The following TFDP2 variants were observed in gnomAD, a reference collection of about 807,000 sequenced individuals.
The protein encoded by TFDP2 is transcription factor Dp-2 (E2F dimerization partner 2).
In TFDP2, 17 loss-of-function variants were observed where a neutral mutation model predicts 59.3. The observed-to-expected ratio is 0.29, with a 90% confidence interval of 0.20 to 0.43. TFDP2 has a LOEUF of 0.43. Ranked by LOEUF, TFDP2 falls within the 20% of genes least tolerant of loss-of-function variation. TFDP2 has a pLI of 1.00. For missense variants in TFDP2, 391 were observed against 528.8 expected (o/e 0.74, Z 2.56); for synonymous variants, 180 against 194.7 (o/e 0.92, Z 0.63).
intron 8 of TFDP2, 124 bp downstream of exon 8, chr3:141,973,924 A>T: frequency 8.7e-7 from 1 of 1,147,326 alleles, no homozygotes; most frequent in Admixed American, 3.0e-5. Context: ...ACAGTCTGTT[A>T]AAAAATGACA....
intron 3 of TFDP2, among the ~76,000 whole-genome samples, chr3:142,044,766 T>G (rs1291377855): frequency 2.0e-5 from 3 of 152,220 alleles, no homozygotes; most frequent in African/African-American, 7.2e-5. Context: ...TCTAGGTCCC[T>G]GAAGTCAAAG....
At chr3:141,972,077 T>C (rs1939845477) in intron 8 of TFDP2, among the ~76,000 whole-genome samples, 1 of 152,250 alleles carries the variant, frequency 6.6e-6, no homozygotes, top group Admixed American at 6.5e-5. Context: ...TAGTCTATAC[T>C]AGCAGTTTCC....
At chr3:141,977,405 CAAA>C (rs202181685) in intron 7 of TFDP2, among the ~76,000 whole-genome samples, 9 of 106,676 alleles carry the variant, frequency 8.4e-5, no homozygotes, top group Admixed American at 2.0e-4. Flanking sequence ...GACCTCATAT[CAAA>C]AAAAAAAAAA....
chr3:141,950,557 C>G lies in TFDP2; in HGVS notation c.*1956G>C, dbSNP rs1018137755. 6.5e-6 allele frequency: 1 copy of G among 152,756 alleles called. No individual in the cohort carries two copies. The highest frequency in any genetic ancestry group is 1.5e-5 in the Non-Finnish European group (1 of 68,036). 9.5% of individuals were successfully genotyped at this position (152,756 alleles called of 1,614,324 possible). ...GAAGGAATGGTTATCATTAGTGCAC[C>G]TGTCTTAAATCCTGAAATGCATCTT... On this transcript the variant is annotated 3_prime_UTR_variant, in exon 13 of 13. Coordinates refer to ENST00000489671, the MANE Select transcript of TFDP2 (RefSeq NM_001178139.2).
At chr3:142,033,338 A>G (rs1387217978) in intron 3 of TFDP2, among the ~76,000 whole-genome samples, 1 of 152,262 alleles carries the variant, frequency 6.6e-6, no homozygotes, top group African/African-American at 2.4e-5. Context: ...CCATCACTGA[A>G]GAAAGTTCTA....
chr3:142,064,129 T>G (rs2060001956), intron 3 of TFDP2, among the ~76,000 whole-genome samples: 1 of 152,148 alleles, frequency 6.6e-6, no homozygotes, highest in African/African-American at 2.4e-5. Flanking sequence ...AATTTTTGTG[T>G]TTTTATAGAC....
intron 3 of TFDP2, among the ~76,000 whole-genome samples, chr3:142,073,863 TA>T (rs1487133075): frequency 1.3e-5 from 2 of 152,106 alleles, no homozygotes; most frequent in East Asian, 3.8e-4. Flanking sequence ...TTAAGATCAA[TA>T]AAACCAAAGC....
intron 2 of TFDP2, among the ~76,000 whole-genome samples, chr3:142,093,488 C>T (rs2061064945): frequency 1.3e-5 from 2 of 151,588 alleles, no homozygotes; most frequent in Admixed American, 1.3e-4. Flanking sequence ...AATTGTCCAG[C>T]TTAAGATAAA....
chr3:141,961,237 G>GTTTTTTT (rs1177754086), intron 10 of TFDP2, among the ~76,000 whole-genome samples: 18 of 84,672 alleles, frequency 2.1e-4, no homozygotes, highest in African/African-American at 3.8e-4. Context: ...GTTTTTTGTT[G>GTTTTTTT]TTTTTTTTTT....
At chr3:142,148,388 A>T (rs78041635) in intron 1 of TFDP2, among the ~76,000 whole-genome samples, 7,726 of 152,292 alleles carry the variant, frequency 0.051, 299 homozygotes, top group Non-Finnish European at 0.076. Context: ...GTCTTTTTCT[A>T]AACCAGCATC....
chr3:142,013,298 A>C (rs1037397143), intron 3 of TFDP2, among the ~76,000 whole-genome samples: 1 of 152,232 alleles, frequency 6.6e-6, no homozygotes, highest in Admixed American at 6.5e-5. Context: ...GGATTCCACT[A>C]GAATTCCAAT....
intron 7 of TFDP2, among the ~76,000 whole-genome samples, chr3:141,977,178 G>A (rs1396498598): frequency 2.8e-5 from 4 of 144,316 alleles, no homozygotes; most frequent in Non-Finnish European, 4.5e-5. Context: ...GGAATGCAGT[G>A]GCATGATTGA....
intron 3 of TFDP2, among the ~76,000 whole-genome samples, chr3:142,067,980 A>G (rs902114295): frequency 6.9e-6 from 1 of 145,232 alleles, no homozygotes; most frequent in African/African-American, 2.5e-5. Flanking sequence ...CTCCATCTTG[A>G]GTGACAGAGT....
At chr3:141,996,917 C>G (rs766809247) in intron 4 of TFDP2, among the ~76,000 whole-genome samples, 6 of 152,166 alleles carry the variant, frequency 3.9e-5, no homozygotes, top group Non-Finnish European at 5.9e-5. Context: ...CTGGAGAGTT[C>G]TGATTATGTA....
Position 141,955,622 on chromosome 3 carries a change from CT to C in TFDP2, c.1052-2607del, listed in dbSNP as rs559833925. Among the ~76,000 whole-genome samples, 331 of 152,284 alleles carry C rather than the reference CT, an allele frequency of 2.2e-3. 1 individual carries two copies. The highest frequency in any genetic ancestry group is 6.8e-3 in the Middle Eastern group (2 of 294). On this transcript the variant is annotated intron_variant, in intron 11 of 12. Coordinates refer to ENST00000489671, the MANE Select transcript of TFDP2 (RefSeq NM_001178139.2). The stretch of plus-strand genomic sequence containing the variant: ...ACCAAATCTCAGCCAACAAACTCTT[CT>C]GTTGTGAGCAAAGGACCAAATCATA...
chr3:142,122,305 TACC>T (rs2062077125), intron 1 of TFDP2, among the ~76,000 whole-genome samples: 1 of 152,182 alleles, frequency 6.6e-6, no homozygotes, highest in Non-Finnish European at 1.5e-5. Flanking sequence ...GTACTCTACC[TACC>T]ACCAGAGACG....
chr3:142,065,955 T>G (rs889026893), intron 3 of TFDP2, among the ~76,000 whole-genome samples: 3 of 152,100 alleles, frequency 2.0e-5, no homozygotes, highest in African/African-American at 7.2e-5. Flanking sequence ...TAAGTAAACA[T>G]GAAACTCTAA....
intron 1 of TFDP2, among the ~76,000 whole-genome samples, chr3:142,112,513 CT>C (rs1157432610): frequency 6.6e-6 from 1 of 152,238 alleles, no homozygotes; most frequent in African/African-American, 2.4e-5. Context: ...GCCAATTATA[CT>C]TAGCAGAAAG....
At chr3:142,087,807 T>C (rs1283509352) in intron 3 of TFDP2, among the ~76,000 whole-genome samples, 17 of 152,224 alleles carry the variant, frequency 1.1e-4, no homozygotes, top group Non-Finnish European at 1.5e-5. Flanking sequence ...CAGCCTATTT[T>C]GCATATTTCT....
Sources: gnomAD v4.1 joint callset for allele counts (sites outside exome capture counted in the v4.1 genomes callset) on GRCh38, gnomAD v4.1.1 for gene constraint, MANE v1.5 for transcripts, NCBI Gene and HGNC (gene_info 2026-07-23, HGNC 2026-07-21) for gene names.